The following PTGR1 variants were observed in gnomAD, a reference collection of about 807,000 sequenced individuals.
The protein encoded by PTGR1 is prostaglandin reductase 1, also known as 15-oxoprostaglandin 13-reductase.
Under a neutral mutation model 37.7 loss-of-function variants are expected in PTGR1, and 23 were observed. That is an observed-to-expected ratio of 0.61 (90% CI 0.44 to 0.86). The LOEUF is 0.86. Among genes scored for constraint, PTGR1 ranks in the 40% least tolerant of loss-of-function variants. The probability of loss-of-function intolerance (pLI) is 0.00; values close to 1 mark genes in which losing one functional copy is unlikely to be tolerated. For synonymous variants in PTGR1, 134 were observed against 140.0 expected (o/e 0.96, Z 0.30); for missense variants, 351 against 394.3 (o/e 0.89, Z 0.93).
downstream of PTGR1, among the ~76,000 whole-genome samples, chr9:111,561,110 T>TATATATATATATATATATAGAG (rs1457364862): frequency 5.2e-5 from 1 of 19,190 alleles, no homozygotes. Context: ...TATATATATA[T>TATATATATATATATATATAGAG]AGAGAGAGAG....
rs116695603 is a variant in PTGR1 at position 111,597,416 on chromosome 9, G to A, written c.7C>T (p.Arg3Cys). The A allele has an allele frequency of 1.7e-5, 27 of 1,606,538 alleles. No individual in the cohort carries two copies. Among genetic ancestry groups the A allele is most frequent in the Middle Eastern group, 1.7e-4 (1 of 6,044 alleles). Residue 3 changes from arginine (R) to cysteine (C), a missense_variant, in exon 2 of 10, where the codon CGT (arginine) becomes TGT (cysteine). Transcript: ENST00000407693. ...TTCTTCAGGGTCCATGTCTTAGTAC[G>A]AACCATCCTGAAGCTCCTAGAACAC... MV[R>C]TKTWTLKKHF...
intron 9 of PTGR1, among the ~76,000 whole-genome samples, chr9:111,567,293 T>G (rs1828606678): frequency 6.6e-6 from 1 of 152,170 alleles, no homozygotes; most frequent in Non-Finnish European, 1.5e-5. Flanking sequence ...GTTCAAGCGA[T>G]TCTCCTGCCT....
intron 6 of PTGR1, among the ~76,000 whole-genome samples, chr9:111,582,333 T>C (rs1447435217): frequency 1.3e-5 from 2 of 152,220 alleles, no homozygotes; most frequent in Non-Finnish European, 2.9e-5. Flanking sequence ...ACTTACGGGA[T>C]AAAAGCCCCT....
intron 9 of PTGR1, among the ~76,000 whole-genome samples, chr9:111,556,381 G>A (rs931025627): frequency 6.6e-6 from 1 of 152,248 alleles, no homozygotes; most frequent in African/African-American, 2.4e-5. Context: ...CTGGGGTATG[G>A]AGGATGGTGG....
downstream of PTGR1, among the ~76,000 whole-genome samples, chr9:111,560,150 AGCCTG>A (rs1350130121): frequency 6.6e-6 from 1 of 151,864 alleles, no homozygotes; most frequent in African/African-American, 2.4e-5. Flanking sequence ...GGTCGAGACC[AGCCTG>A]GCCAACATGG....
chr9:111,569,075 G>A (rs116765390), intron 9 of PTGR1, among the ~76,000 whole-genome samples: 1 of 152,170 alleles, frequency 6.6e-6, no homozygotes, highest in African/African-American at 2.4e-5. Context: ...GAGCAGGAAA[G>A]ATCAAAATAT....
rs528690365 is a variant in PTGR1 at position 111,568,707 on chromosome 9, C to A, written c.879+1384G>T. 3.9e-5 allele frequency among the ~76,000 whole-genome samples: 6 copies of A among 152,222 alleles called. No homozygotes were observed. The South Asian group carries it at 1.2e-3, about 32-fold the overall frequency. ...CGGTCCTACTGATATGTGGTGTCGC[C>A]CCCAGCAGCCCAGCTGTAAAATTCC... On this transcript the variant is annotated intron_variant, in intron 9 of 9. Coordinates refer to ENST00000407693, the MANE Select transcript of PTGR1 (RefSeq NM_001146108.2).
At chr9:111,552,811 A>G (rs779311421) in intron 9 of PTGR1, among the ~76,000 whole-genome samples, 8 of 152,184 alleles carry the variant, frequency 5.3e-5, no homozygotes, top group African/African-American at 9.6e-5. Context: ...TAAATATTCT[A>G]TTAGCAAAAA....
Position 111,573,566 on chromosome 9 carries a change from G to A in PTGR1, c.760+1168C>T, listed in dbSNP as rs117625081. On this transcript the variant is annotated intron_variant, in intron 8 of 9. Transcript: ENST00000407693. ...AGATTCCTTTTTTTCCTACTTTCTC[G>A]TACTTTCTCCTTTTTTGGGGGGGGA... Among the ~76,000 whole-genome samples, 37 of 152,060 alleles carry A rather than the reference G, an allele frequency of 2.4e-4. No homozygotes were observed. In the East Asian group the frequency reaches 5.8e-3, roughly 24 times the overall value.
At chr9:111,578,302 GT>G (rs1020239267) in intron 7 of PTGR1, among the ~76,000 whole-genome samples, 18 of 151,908 alleles carry the variant, frequency 1.2e-4, no homozygotes, top group Admixed American at 1.2e-3. Context: ...AGTACATTGT[GT>G]TTATTGTGCA....
chr9:111,598,666 T>G (rs1589326799), intron 1 of PTGR1, among the ~76,000 whole-genome samples: 1 of 152,104 alleles, frequency 6.6e-6, no homozygotes, highest in East Asian at 1.9e-4. Flanking sequence ...AGCTAATTTT[T>G]GTACTTTTAG....
chr9:111,560,966 T>G (rs1391406975), downstream of PTGR1, among the ~76,000 whole-genome samples: 3 of 45,352 alleles, frequency 6.6e-5, 1 homozygote, highest in Non-Finnish European at 4.0e-5. Flanking sequence ...TATATATATA[T>G]ATATATATAG....
At chr9:111,560,149 C>T (rs1828231614), downstream of PTGR1, among the ~76,000 whole-genome samples, 1 of 151,706 alleles carries the variant, frequency 6.6e-6, no homozygotes, top group Admixed American at 6.6e-5. Context: ...AGGTCGAGAC[C>T]AGCCTGGCCA....
intron 9 of PTGR1, among the ~76,000 whole-genome samples, chr9:111,550,450 G>T (rs1432694536): frequency 6.6e-6 from 1 of 152,194 alleles, no homozygotes; most frequent in East Asian, 1.9e-4. Context: ...TGTCTCCACA[G>T]CTGCCTGCCA....
At chr9:111,561,724 C>T (rs1828328709), downstream of PTGR1, among the ~76,000 whole-genome samples, 1 of 152,146 alleles carries the variant, frequency 6.6e-6, no homozygotes, top group African/African-American at 2.4e-5. Context: ...TATGGACTGG[C>T]CCTAAGACCC....
chr9:111,585,975 T>C (rs1164213293), intron 5 of PTGR1, 23 bp downstream of exon 5: 1 of 1,610,342 alleles, frequency 6.2e-7, no homozygotes, highest in Non-Finnish European at 8.5e-7. Context: ...TTCAAACAAA[T>C]GGAATATATC....
chr9:111,575,152 A>T (rs1829005102), intron 7 of PTGR1, among the ~76,000 whole-genome samples: 1 of 152,174 alleles, frequency 6.6e-6, no homozygotes, highest in Non-Finnish European at 1.5e-5. Flanking sequence ...GATACAAAAA[A>T]TTAGAAGGGC....
At chr9:111,565,815 G>A (rs1007671858) in intron 9 of PTGR1, among the ~76,000 whole-genome samples, 5 of 151,966 alleles carry the variant, frequency 3.3e-5, no homozygotes, top group Non-Finnish European at 7.4e-5. Flanking sequence ...ATGAGCCACC[G>A]CACCCAGCCT....
chr9:111,584,787 G>C (rs988987323), intron 5 of PTGR1, among the ~76,000 whole-genome samples: 1 of 152,116 alleles, frequency 6.6e-6, no homozygotes, highest in Admixed American at 6.5e-5. Context: ...TTATCCCTTG[G>C]AGCTTTGCAA....
Sources: allele counts gnomAD v4.1 joint callset (sites outside exome capture counted in the v4.1 genomes callset), GRCh38; gene constraint gnomAD v4.1.1; transcripts MANE v1.5; gene names NCBI Gene and HGNC (gene_info 2026-07-23, HGNC 2026-07-21).